Variants in QARS1 observed in about 807,000 individuals in gnomAD.
The protein encoded by QARS1 is glutaminyl-tRNA synthetase 1.
Under a neutral mutation model 106.9 loss-of-function variants are expected in QARS1, and 79 were observed. That is an observed-to-expected ratio of 0.74 (90% CI 0.62 to 0.89). QARS1 has a LOEUF of 0.89. Ranked by LOEUF, QARS1 falls within the 40% of genes least tolerant of loss-of-function variation. The pLI is 0.00. For synonymous variants in QARS1, 395 were observed against 367.7 expected (o/e 1.07, Z -0.85); for missense variants, 966 against 997.2 (o/e 0.97, Z 0.42).
intron 2 of QARS1, 94 bp from the exon 3 acceptor site, chr3:49,104,066 C>T (rs1419598857): frequency 8.5e-6 from 11 of 1,297,800 alleles, no homozygotes; most frequent in African/African-American, 2.9e-5. Context: ...GATAGTCTGG[C>T]CTCCTGAAAA....
At chr3:49,100,801 G>A in intron 10 of QARS1, 127 bp from the exon 11 acceptor site, 1 of 818,092 alleles carries the variant, frequency 1.2e-6, no homozygotes, top group Non-Finnish European at 2.1e-6. Flanking sequence ...ATGGAGTCTT[G>A]ATTATCTTGC....
chr3:49,096,866 TC>T (rs2042399973), intron 23 of QARS1, among the ~76,000 whole-genome samples: 1 of 121,824 alleles, frequency 8.2e-6, no homozygotes, highest in South Asian at 3.1e-4. Context: ...GTGCCTGTAA[TC>T]CCAGCTACTT....
Position 49,099,743 on chromosome 3 carries a change from T to A in QARS1, c.1388+18A>T, listed in dbSNP as rs774150476. On this transcript the variant is annotated intron_variant, in intron 15 of 23. Coordinates refer to ENST00000306125, the MANE Select transcript of QARS1 (RefSeq NM_005051.3). Reference sequence around the variant, plus strand: ...GAATTCCACTGGCCCTACCACCCCATGGACCCAGCTCCCTCACCGGGCCTG... The same window carrying A: ...GAATTCCACTGGCCCTACCACCCCAAGGACCCAGCTCCCTCACCGGGCCTG... 1.2e-6 allele frequency: 2 copies of A among 1,613,776 alleles called. No individual in the cohort carries two copies. Among genetic ancestry groups the A allele is most frequent in the African/African-American group, 2.7e-5 (2 of 75,002 alleles).
rs1219604039 is a variant in QARS1, at chr3:49,096,072, A to G, written c.2285T>C (p.Phe762Ser). 3.1e-6 allele frequency: 5 copies of G among 1,613,888 alleles called. No homozygotes were observed. Among genetic ancestry groups the G allele is most frequent in the Admixed American group, 1.7e-5 (1 of 59,992 alleles). ...DPDSHQGKLV[F>S]NRTVTLKEDP... ...TTCCTTCAGTGTGACAGTTCGGTTA[A>G]AGACAAGCTGGAGGGCAGAGGGAAA... The change falls in exon 24 of 24, where the codon TTT becomes TCT. Residue 762 changes from phenylalanine (F) to serine (S), a missense_variant. By Grantham distance (155) the Phe-to-Ser change is radical. Coordinates refer to ENST00000306125, the MANE Select transcript of QARS1 (RefSeq NM_005051.3).
At chr3:49,104,088 G>A (rs1457518807) in intron 2 of QARS1, 116 bp from the exon 3 acceptor site, 5 of 1,145,620 alleles carry the variant, frequency 4.4e-6, no homozygotes, top group Non-Finnish European at 5.2e-6. Context: ...TTAAGCCCTG[G>A]CACCACCACC....
chr3:49,096,151 C>T (rs2042387131), intron 23 of QARS1, 72 bp from the exon 24 acceptor site: 2 of 1,488,596 alleles, frequency 1.3e-6, no homozygotes, highest in South Asian at 1.2e-5. Context: ...GGTTTCACCA[C>T]AGACACCTCC....
Position 49,103,873 on chromosome 3 carries a change from A to C in QARS1, c.365T>G (p.Ile122Ser), listed in dbSNP as rs778805533. ...GVGVIVTPEQ[I>S]EEAVEAAINR... ...TGGGGAAAGACTCACAGCCTCCTCA[A>C]TCTGCTCTGGGGTCACAATGACACC... The change falls in exon 3 of 24, where the codon ATT (isoleucine) becomes AGT (serine). Residue 122 changes from isoleucine (I) to serine (S), a missense_variant. By Grantham distance (142) the Ile-to-Ser change is moderately radical. Coordinates refer to ENST00000306125, the MANE Select transcript of QARS1 (RefSeq NM_005051.3). The C allele has an allele frequency of 6.2e-7, 1 of 1,613,894 alleles. No individual in the cohort carries two copies. The highest frequency in any genetic ancestry group is 8.5e-7 in the Non-Finnish European group (1 of 1,180,008).
Position 49,103,325 on chromosome 3 carries a change from G to C in QARS1, c.516+20C>G. On this transcript the variant is annotated intron_variant, in intron 5 of 23. Coordinates refer to ENST00000306125, the MANE Select transcript of QARS1 (RefSeq NM_005051.3). The stretch of plus-strand genomic sequence containing the variant: ...CATGCCAGAGTCTTTGCCAGCTTCA[G>C]CTTAGTGAAGCACGCTCACCTGCAT... 1 of 1,613,096 alleles carries C rather than the reference G, an allele frequency of 6.2e-7. No individual in the cohort carries two copies. The highest frequency in any genetic ancestry group is 8.5e-7 in the Non-Finnish European group (1 of 1,179,478).
In QARS1 at chr3:49,099,507, T is replaced by A. The variant is rs781035415; in HGVS notation, c.1526+3A>T. On this transcript the variant is annotated splice_donor_region_variant and intron_variant, in intron 16 of 23. Transcript: ENST00000306125. ...CTTTCATAAGCCAAACAGCCGCACC[T>A]ACCGCACAGCACCAGTTGCTACAAG... 1 of 1,614,190 alleles carries A rather than the reference T, an allele frequency of 6.2e-7. No individual in the cohort carries two copies. Among genetic ancestry groups the A allele is most frequent in the African/African-American group, 1.3e-5 (1 of 75,040 alleles).
chr3:49,100,697 G>T, intron 10 of QARS1, 23 bp from the exon 11 acceptor site: 1 of 1,495,648 alleles, frequency 6.7e-7, no homozygotes, highest in South Asian at 1.1e-5. Flanking sequence ...CACCATCTGT[G>T]AACTCCCACA....
rs567105969 is a variant in QARS1 at position 49,098,802 on chromosome 3, G to C, written c.1863+83C>G. 9 of 1,499,168 alleles carry C rather than the reference G, an allele frequency of 6.0e-6. No individual in the cohort carries two copies. In the East Asian group the frequency reaches 9.1e-5, roughly 15 times the overall value. The allele number at this position is 1,499,168 out of a possible 1,614,324, so 92.9% of individuals were successfully genotyped here. A position where few individuals can be genotyped will look rare whatever the true frequency, so the allele number is the denominator to read the frequency against. On this transcript the variant is annotated intron_variant, in intron 19 of 23. Coordinates refer to ENST00000306125, the MANE Select transcript of QARS1 (RefSeq NM_005051.3). ...ATTGGTTCATCTGAAGCAGGAAGTA[G>C]ATGGACTGACAGAGATGAGGAGATG...
At chr3:49,098,545 C>T (rs1034813926) in intron 20 of QARS1, 55 bp downstream of exon 20, 3 of 1,611,256 alleles carry the variant, frequency 1.9e-6, no homozygotes, top group Non-Finnish European at 2.5e-6. Flanking sequence ...GCAGGCTATA[C>T]TCACATCTTG....
chr3:49,103,799 A>G (rs764125394), intron 3 of QARS1, 64 bp downstream of exon 3: 2 of 1,597,136 alleles, frequency 1.3e-6, no homozygotes, highest in South Asian at 1.1e-5. Context: ...TGAGGAGGGA[A>G]ACTGAGCCAC....
chr3:49,101,473 A>C (rs147344039), intron 9 of QARS1, 32 bp from the exon 10 acceptor site: 2 of 1,593,104 alleles, frequency 1.3e-6, no homozygotes, highest in Non-Finnish European at 1.7e-6. Context: ...AAGAGAAATA[A>C]AGTCTGAGCT....
Position 49,099,557 on chromosome 3 carries a change from A to G in QARS1, c.1479T>C (p.Val493=), listed in dbSNP as rs776640127. The change falls in exon 16 of 24, where the codon GTT becomes GTC. Residue 493 remains valine, a synonymous_variant. Transcript: ENST00000306125. ...GCTGGAGGATCTTCCTCTTAGAGAC[A>G]ACAGCATAGTGCAGGTTGAGGCGGC... ...EYGRLNLHYA[V]VSKRKILQLV... 5 of 1,614,080 alleles carry G rather than the reference A, an allele frequency of 3.1e-6. No individual in the cohort carries two copies. Among genetic ancestry groups the G allele is most frequent in the Non-Finnish European group, 4.2e-6 (5 of 1,180,042 alleles).
chr3:49,102,851 C>T (rs2042489186), intron 5 of QARS1: 1 of 350,880 alleles, frequency 2.8e-6, no homozygotes, highest in Non-Finnish European at 5.6e-6. Context: ...CCATGTTGGC[C>T]AGGCTGTTCT....
rs1559967310 is a variant in QARS1, at chr3:49,099,635, G to T, written c.1401C>A (p.Tyr467Ter). 1.2e-6 allele frequency: 2 copies of T among 1,614,186 alleles called. No homozygotes were observed. The highest frequency in any genetic ancestry group is 1.1e-5 in the South Asian group (1 of 91,086). Residue 467 changes from tyrosine (Y) to a stop codon, truncating the protein, a stop_gained, in exon 16 of 24, where the codon TAC becomes TAA. Transcript: ENST00000306125. LOFTEE classifies it high-confidence loss of function. Reference sequence around the variant, plus strand: ...CGTCCAGTGCATTGCAAAGCCAGAAGTAGGAAGAGCGTCTGGGGTGGGAGA... The same window carrying T: ...CGTCCAGTGCATTGCAAAGCCAGAATTAGGAAGAGCGTCTGGGGTGGGAGA... ...TKEFQARRSS[Y>*]FWLCNALDVY...
rs752198497 is a variant in QARS1 at position 49,099,629 on chromosome 3, C to G, written c.1407G>C (p.Trp469Cys). ...EFQARRSSYFWLCNALDVYCP... is the reference protein window; with the variant it reads ...EFQARRSSYFCLCNALDVYCP... ...AATAGACGTCCAGTGCATTGCAAAG[C>G]CAGAAGTAGGAAGAGCGTCTGGGGT... The change falls in exon 16 of 24, where the codon TGG (tryptophan) becomes TGC (cysteine). Residue 469 changes from tryptophan (W) to cysteine (C), a missense_variant. Trp to Cys is a radical substitution (Grantham distance 215, BLOSUM62 -2). Transcript: ENST00000306125. 3 of 1,614,096 alleles carry G rather than the reference C, an allele frequency of 1.9e-6. No homozygotes were observed. The Admixed American group carries it at 5.0e-5, about 27-fold the overall frequency.
At chr3:49,102,109 AG>A in intron 7 of QARS1, 95 bp downstream of exon 7, 1 of 1,509,138 alleles carries the variant, frequency 6.6e-7, no homozygotes, top group Non-Finnish European at 9.2e-7. Flanking sequence ...CAGGGTACTG[AG>A]TAAGCCAAGG....
Sources: allele counts gnomAD v4.1 joint callset (sites outside exome capture counted in the v4.1 genomes callset), GRCh38; gene constraint gnomAD v4.1.1; transcripts MANE v1.5; gene names NCBI Gene and HGNC (gene_info 2026-07-23, HGNC 2026-07-21).